The following CLSPN variants were observed in gnomAD, a reference collection of about 807,000 sequenced individuals.
The protein encoded by CLSPN is claspin homolog.
Under a neutral mutation model 156.3 loss-of-function variants are expected in CLSPN, and 85 were observed. The observed-to-expected ratio is 0.54, with a 90% confidence interval of 0.46 to 0.65. The LOEUF is 0.65. Ranked by LOEUF, CLSPN falls within the 30% of genes least tolerant of loss-of-function variation. The pLI, the probability that CLSPN is intolerant of heterozygous loss-of-function variation, is 0.00. For missense variants in CLSPN, 1,407 were observed against 1,554.9 expected, an observed-to-expected ratio of 0.90 and a Z score of 1.60; for synonymous variants, 534 against 542.4, an observed-to-expected ratio of 0.98 and a Z score of 0.22.
At chr1:35,736,782 T>C (rs1641489301) in intron 24 of CLSPN, 132 bp downstream of exon 24, 2 of 1,320,002 alleles carry the variant, frequency 1.5e-6, no homozygotes, top group Non-Finnish European at 2.1e-6. Flanking sequence ...GCAATTCTCT[T>C]GTACCTTATC....
chr1:35,722,557 AGTTATTCC>A (rs1433792856), intron 24 of CLSPN, among the ~76,000 whole-genome samples: 1 of 151,880 alleles, frequency 6.6e-6, no homozygotes, highest in Non-Finnish European at 1.5e-5. Flanking sequence ...GCCTAAAGCT[AGTTATTCC>A]TAAATAATAC....
chr1:35,751,611 A>G (rs1642089987), intron 9 of CLSPN, 105 bp from the exon 10 acceptor site: 10 of 1,411,972 alleles, frequency 7.1e-6, no homozygotes, highest in Admixed American at 2.7e-5. Context: ...GGAAAATCTG[A>G]GACTCTAGTA....
chr1:35,739,282 C>G (rs1461185406), intron 19 of CLSPN, 25 bp from the exon 20 acceptor site: 2 of 1,614,050 alleles, frequency 1.2e-6, no homozygotes, highest in Non-Finnish European at 1.7e-6. Context: ...ATAAGGTGTT[C>G]AAAACAAGGA....
rs1453925754 is a variant in CLSPN at position 35,760,889 on chromosome 1, G to A, written c.1032C>T (p.His344=). Residue 344 remains histidine (H), a synonymous_variant, in exon 8 of 25, where the codon CAC becomes CAT. Coordinates refer to ENST00000318121, the MANE Select transcript of CLSPN (RefSeq NM_022111.4). ...TATTTGCAGTGTCTATGATTTCTTTGTGATGGCTTGACTGATATTTAGATG... is the reference window on the plus strand; with the variant it reads ...TATTTGCAGTGTCTATGATTTCTTTATGATGGCTTGACTGATATTTAGATG... ...LKSSKYQSSH[H]KEIIDTANTT... is the part of the protein sequence containing the mutation. 4 of 1,612,034 alleles carry A rather than the reference G, an allele frequency of 2.5e-6. No homozygotes were observed. The highest frequency in any genetic ancestry group is 3.4e-6 in the Non-Finnish European group (4 of 1,178,478).
chr1:35,769,099 T>G (rs986511920), intron 1 of CLSPN, among the ~76,000 whole-genome samples: 2 of 152,196 alleles, frequency 1.3e-5, no homozygotes, highest in Non-Finnish European at 2.9e-5. Context: ...TCTGATATTT[T>G]GTTCAATATC....
chr1:35,759,978 T>G (rs959181435), intron 8 of CLSPN, among the ~76,000 whole-genome samples: 2 of 151,970 alleles, frequency 1.3e-5, no homozygotes, highest in Non-Finnish European at 2.9e-5. Flanking sequence ...GGACTACAGA[T>G]GCGTGCCACC....
intron 24 of CLSPN, 150 bp downstream of exon 24, chr1:35,736,764 C>A: frequency 7.7e-7 from 1 of 1,295,644 alleles, no homozygotes; most frequent in Non-Finnish European, 1.0e-6. Flanking sequence ...TGATTACCGA[C>A]TGGGGTAGCA....
At position 35,745,553 on chromosome 1, in the gene CLSPN, G is replaced by A. The variant is rs1384041303; in HGVS notation, c.2864C>T (p.Thr955Ile). The A allele has an allele frequency of 5.6e-6, 9 of 1,609,906 alleles. No homozygotes were observed. Among genetic ancestry groups the A allele is most frequent in the Non-Finnish European group, 7.7e-6 (9 of 1,176,302 alleles). Residue 955 changes from threonine to isoleucine, a missense_variant, in exon 16 of 25, where the codon ACT becomes ATT. By Grantham distance (89) the Thr-to-Ile change is moderately conservative (BLOSUM62 -1). Around this residue, in one of 3 missense-constraint regions of CLSPN, gnomAD observed 1,096 missense variants for 1,193.0 expected, o/e 0.92. Transcript: ENST00000318121. The stretch of plus-strand genomic sequence containing the variant: ...TTTATTTAACTCTGATGAGGCTGGA[G>A]TGGAGGCATCTACATCACAACAAGG... ...SGKFTSQDAS[T>I]PASSELNKQE...
chr1:35,737,630 G>T lies in CLSPN; in HGVS notation c.3665-209C>A, dbSNP rs1318447543. 6 of 536,204 alleles carry T rather than the reference G, an allele frequency of 1.1e-5. 1 individual carries two copies. Among genetic ancestry groups the T allele is most frequent in the African/African-American group, 5.6e-5 (3 of 53,180 alleles). The allele number at this position is 536,204 out of a possible 1,614,324, so 33.2% of individuals were successfully genotyped here. On this transcript the variant is annotated intron_variant, in intron 22 of 24. Coordinates refer to ENST00000318121, the MANE Select transcript of CLSPN (RefSeq NM_022111.4). ...CAGTAATCATTTAAGAAAAACAGAA[G>T]TGGTCAGTGTAGGGAATAGTGAAGA...
At chr1:35,743,078 T>C in intron 18 of CLSPN, 63 bp downstream of exon 18, 1 of 1,242,404 alleles carries the variant, frequency 8.0e-7, no homozygotes, top group South Asian at 1.2e-5. Context: ...CAAGCCACCA[T>C]GCCTGGCCTA....
rs763311404 is a variant in CLSPN, at chr1:35,745,506, C to A, written c.2911G>T (p.Gly971Cys). 1.7e-5 allele frequency: 28 copies of A among 1,613,960 alleles called. No homozygotes were observed. The highest frequency in any genetic ancestry group is 2.7e-5 in the African/African-American group (2 of 74,934). Residue 971 changes from glycine (G) to cysteine (C), a missense_variant, in exon 16 of 25, where the codon GGT (glycine) becomes TGT (cysteine). By Grantham distance (159) the Gly-to-Cys change is radical. Coordinates refer to ENST00000318121, the MANE Select transcript of CLSPN (RefSeq NM_022111.4). ...LNKQEKESSM[G>C]DPMEEALALC... is the part of the protein sequence containing the mutation. ...GCAAGTGCTTCTTCCATTGGATCAC[C>A]CATGCTGCTCTCCTTCTCCTGTTTA...
In CLSPN at chr1:35,737,016, G is replaced by C. The variant is rs145696111; in HGVS notation, c.3807C>G (p.Leu1269=). The C allele has an allele frequency of 1.4e-5, 23 of 1,614,154 alleles. No individual in the cohort carries two copies. In the African/African-American group the frequency reaches 2.7e-4, roughly 19 times the overall value. The change falls in exon 24 of 25, where the codon CTC becomes CTG. Residue 1269 remains leucine, a synonymous_variant. Coordinates refer to ENST00000318121, the MANE Select transcript of CLSPN (RefSeq NM_022111.4). ...GAGGAGCACTGGGGTTATGGTCAGA[G>C]AGAGCAGCCAGTTTCTGAAGCACAG... ...PKAVLQKLAA[L]SDHNPSAPRN... is the part of the protein sequence containing the mutation.
chr1:35,750,372 T>C (rs974566973), intron 10 of CLSPN, among the ~76,000 whole-genome samples: 1 of 151,506 alleles, frequency 6.6e-6, no homozygotes, highest in Non-Finnish European at 1.5e-5. Flanking sequence ...TAAAATAAAG[T>C]GATCCCAGCA....
At chr1:35,765,096 A>C in intron 2 of CLSPN, 122 bp downstream of exon 2, 1 of 651,422 alleles carries the variant, frequency 1.5e-6, no homozygotes, top group Non-Finnish European at 2.6e-6. Context: ...TTATAATAAA[A>C]CAAACAATAA....
intron 18 of CLSPN, among the ~76,000 whole-genome samples, chr1:35,739,800 A>G (rs1036308901): frequency 2.6e-5 from 4 of 152,228 alleles, no homozygotes; most frequent in Non-Finnish European, 5.9e-5. Context: ...TTTTCAACTT[A>G]TGATGGATTG....
chr1:35,727,646 A>AG (rs2148607312), downstream of CLSPN, among the ~76,000 whole-genome samples: 1 of 152,274 alleles, frequency 6.6e-6, no homozygotes, highest in African/African-American at 2.4e-5. Context: ...GGAAACGGTG[A>AG]GGGGGGCCTT....
At position 35,733,988 on chromosome 1, in the gene CLSPN, GT is replaced by G; in HGVS notation, c.*2507del. 1.0e-6 allele frequency: 1 copy of G among 983,796 alleles called. No individual in the cohort carries two copies. The highest frequency in any genetic ancestry group is 1.2e-6 in the Non-Finnish European group (1 of 828,492). 60.9% of individuals were successfully genotyped at this position (983,796 alleles called of 1,614,324 possible). On this transcript the variant is annotated 3_prime_UTR_variant, in exon 25 of 25. Transcript: ENST00000318121. The stretch of plus-strand genomic sequence containing the variant: ...GAATGAGACTGTCTCTAAAAAATAA[GT>G]TTTTTAAACAAAGAGCTATAATAGA...
At chr1:35,766,444 G>C (rs1391373308) in intron 1 of CLSPN, among the ~76,000 whole-genome samples, 1 of 151,854 alleles carries the variant, frequency 6.6e-6, no homozygotes, top group South Asian at 2.1e-4. Context: ...TATGCTATGT[G>C]TATATTTCTT....
At chr1:35,768,185 C>G (rs1388443559) in intron 1 of CLSPN, among the ~76,000 whole-genome samples, 1 of 151,996 alleles carries the variant, frequency 6.6e-6, no homozygotes, top group Non-Finnish European at 1.5e-5. Context: ...CTGGCCAATA[C>G]AGTAAAACCC....
Sources: allele counts gnomAD v4.1 joint callset (sites outside exome capture counted in the v4.1 genomes callset), GRCh38; gene constraint gnomAD v4.1.1; regional missense constraint gnomAD v4.1.1; transcripts MANE v1.5; gene names NCBI Gene and HGNC (gene_info 2026-07-23, HGNC 2026-07-21).